RIT2: variants seen among roughly 807,000 people sequenced by gnomAD.
The protein encoded by RIT2 is Ras like without CAAX 2.
In RIT2, 24 loss-of-function variants were observed where a neutral mutation model predicts 23.7. That is an observed-to-expected ratio of 1.01 (90% confidence interval 0.73 to 1.43). The LOEUF (loss-of-function observed/expected upper bound fraction) is 1.43. RIT2 is among the 40% of genes most tolerant of loss of function. The pLI, the probability that RIT2 is intolerant of heterozygous loss-of-function variation, is 0.00. For synonymous variants in RIT2, 107 were observed against 91.1 expected, an observed-to-expected ratio of 1.17 and a Z score of -0.99; for missense variants, 236 against 266.9, an observed-to-expected ratio of 0.88 and a Z score of 0.81.
intron 4 of RIT2, among the ~76,000 whole-genome samples, chr18:42,870,149 C>A (rs916048344): frequency 1.3e-5 from 2 of 152,170 alleles, no homozygotes; most frequent in Non-Finnish European, 2.9e-5. Flanking sequence ...ACATCAAAAT[C>A]AAATTAAGGA....
intron 1 of RIT2, among the ~76,000 whole-genome samples, chr18:43,106,217 A>C (rs1018060466): frequency 3.3e-5 from 5 of 152,230 alleles, no homozygotes; most frequent in African/African-American, 1.2e-4. Flanking sequence ...TGCAGGAAGA[A>C]ATTGAAAGAA....
chr18:43,017,272 C>T (rs1190292503), intron 2 of RIT2, among the ~76,000 whole-genome samples: 2 of 151,948 alleles, frequency 1.3e-5, no homozygotes, highest in African/African-American at 4.8e-5. Context: ...TTGCTTTCAT[C>T]AGCAATCAGT....
chr18:42,869,666 T>G (rs1395700565), intron 4 of RIT2, among the ~76,000 whole-genome samples: 2 of 152,178 alleles, frequency 1.3e-5, no homozygotes, highest in African/African-American at 4.8e-5. Flanking sequence ...GGTTAAAACT[T>G]TCCATTCCTG....
intron 4 of RIT2, among the ~76,000 whole-genome samples, chr18:42,857,861 A>C (rs551186990): frequency 5.0e-4 from 76 of 152,280 alleles, no homozygotes; most frequent in Non-Finnish European, 9.7e-4. Flanking sequence ...GTCTTGGGCT[A>C]CATAGATAAG....
At chr18:42,947,643 G>A (rs1290286723) in intron 3 of RIT2, among the ~76,000 whole-genome samples, 1 of 152,056 alleles carries the variant, frequency 6.6e-6, no homozygotes, top group African/African-American at 2.4e-5. Context: ...CAGAGAATGA[G>A]GCCATGAATC....
At chr18:42,907,812 C>T (rs1294433718) in intron 4 of RIT2, among the ~76,000 whole-genome samples, 5 of 151,974 alleles carry the variant, frequency 3.3e-5, no homozygotes, top group African/African-American at 4.8e-5. Flanking sequence ...GAGACCCTGT[C>T]TCTATAAAAA....
In RIT2 at chr18:43,020,855, A is replaced by C. The variant is rs546229778; in HGVS notation, c.160+12956T>G. 3.9e-5 allele frequency among the ~76,000 whole-genome samples: 6 copies of C among 152,252 alleles called. No individual in the cohort carries two copies. In the South Asian group the frequency reaches 1.2e-3, roughly 32 times the overall value. On this transcript the variant is annotated intron_variant, in intron 2 of 4. Coordinates refer to ENST00000326695, the MANE Select transcript of RIT2 (RefSeq NM_002930.4). ...CTTCAGTCTCTCACTACATGCACAA[A>C]AAATTTCAAAATGGATTCACGACCT...
At chr18:42,823,364 TA>T (rs1235496952) in intron 4 of RIT2, among the ~76,000 whole-genome samples, 2 of 152,156 alleles carry the variant, frequency 1.3e-5, no homozygotes, top group Non-Finnish European at 2.9e-5. Flanking sequence ...ACAGCTTGGA[TA>T]AAAACTCAGT....
intron 3 of RIT2, among the ~76,000 whole-genome samples, chr18:42,967,074 T>G (rs1158233271): frequency 6.6e-6 from 1 of 151,948 alleles, no homozygotes; most frequent in African/African-American, 2.4e-5. Context: ...AAGCTGAAAA[T>G]AAATACTCCT....
intron 2 of RIT2, among the ~76,000 whole-genome samples, chr18:42,977,645 T>C (rs188998176): frequency 6.6e-6 from 1 of 151,872 alleles, no homozygotes; most frequent in Admixed American, 6.6e-5. Context: ...TCATAGTCTT[T>C]ACTCTCAAGG....
intron 1 of RIT2, among the ~76,000 whole-genome samples, chr18:43,054,361 G>A (rs1426758494): frequency 2.0e-5 from 3 of 152,024 alleles, no homozygotes; most frequent in Non-Finnish European, 4.4e-5. Context: ...GGAAGAGTTA[G>A]GAATTTCACA....
intron 3 of RIT2, among the ~76,000 whole-genome samples, chr18:42,966,732 C>A (rs548392413): frequency 5.9e-5 from 9 of 151,964 alleles, no homozygotes; most frequent in Non-Finnish European, 1.3e-4. Context: ...GATTTTATTT[C>A]TTTTGTATCA....
At chr18:42,864,471 G>A (rs1395557460) in intron 4 of RIT2, among the ~76,000 whole-genome samples, 2 of 152,170 alleles carry the variant, frequency 1.3e-5, no homozygotes, top group Admixed American at 1.3e-4. Context: ...TGGGAAGTCA[G>A]AGCTGCTGTT....
intron 4 of RIT2, among the ~76,000 whole-genome samples, chr18:42,878,825 A>ACCGCCCC (rs1356800943): frequency 6.6e-6 from 1 of 150,938 alleles, no homozygotes; most frequent in East Asian, 2.0e-4. Flanking sequence ...AGCTTTCTGT[A>ACCGCCCC]CCGCCCCCCG....
chr18:43,045,835 C>A (rs937068600), intron 1 of RIT2, among the ~76,000 whole-genome samples: 1 of 151,984 alleles, frequency 6.6e-6, no homozygotes, highest in African/African-American at 2.4e-5. Context: ...CTTCCATAGT[C>A]CTTCATGAAA....
At chr18:42,852,245 T>C (rs1907073318) in intron 4 of RIT2, among the ~76,000 whole-genome samples, 1 of 152,240 alleles carries the variant, frequency 6.6e-6, no homozygotes. Flanking sequence ...TTTAGATGAA[T>C]TAATCAGGTT....
intron 4 of RIT2, among the ~76,000 whole-genome samples, chr18:42,906,485 C>A (rs1395966832): frequency 2.0e-5 from 3 of 152,028 alleles, no homozygotes; most frequent in Non-Finnish European, 4.4e-5. Flanking sequence ...TTGATCCCTT[C>A]TAATTCAAAC....
intron 4 of RIT2, among the ~76,000 whole-genome samples, chr18:42,870,399 C>T (rs562303685): frequency 2.6e-5 from 4 of 152,024 alleles, no homozygotes; most frequent in African/African-American, 4.8e-5. Context: ...TGCAACCACG[C>T]CTGGCTAATT....
At chr18:42,875,829 A>G (rs1045121097) in intron 4 of RIT2, among the ~76,000 whole-genome samples, 2 of 151,934 alleles carry the variant, frequency 1.3e-5, no homozygotes, top group South Asian at 2.1e-4. Context: ...CAATCTTAAC[A>G]GAGTTCTAGG....
Sources: allele counts gnomAD v4.1 joint callset (sites outside exome capture counted in the v4.1 genomes callset), GRCh38; gene constraint gnomAD v4.1.1; transcripts MANE v1.5; gene names NCBI Gene and HGNC (gene_info 2026-07-23, HGNC 2026-07-21).